CAMK1D: variants seen among roughly 807,000 people sequenced by gnomAD.
CAMK1D encodes the protein calcium/calmodulin dependent protein kinase ID.
CAMK1D carries 9 observed loss-of-function variants against 47.7 expected under a neutral mutation model. That is an observed-to-expected ratio of 0.19 (90% CI 0.11 to 0.33). The LOEUF is 0.33. CAMK1D is among the 10% of genes least tolerant of loss of function. The pLI, the probability that CAMK1D is intolerant of heterozygous loss-of-function variation, is 1.00. For missense variants in CAMK1D, 291 were observed against 488.7 expected (o/e 0.60, Z 3.81); for synonymous variants, 184 against 184.9 (o/e 0.99, Z 0.04).
At chr10:12,696,853 T>C (rs1399078139) in intron 3 of CAMK1D, among the ~76,000 whole-genome samples, 2 of 152,250 alleles carry the variant, frequency 1.3e-5, no homozygotes, top group Non-Finnish European at 2.9e-5. Context: ...GTCAGTTTTC[T>C]ATAAATACAC....
intron 2 of CAMK1D, among the ~76,000 whole-genome samples, chr10:12,558,554 C>CA (rs10574542): frequency 1.0e-3 from 150 of 150,458 alleles, no homozygotes; most frequent in African/African-American, 3.2e-3. Flanking sequence ...AACTCCATCT[C>CA]AAAAAAAAAA....
intron 1 of CAMK1D, among the ~76,000 whole-genome samples, chr10:12,483,736 G>T (rs11257818): frequency 0.24 from 36,313 of 151,900 alleles, 4,998 homozygotes; most frequent in Non-Finnish European, 0.31. Context: ...GCCCAGGCTG[G>T]AGTGCAGTGG....
chr10:12,382,438 G>T (rs1204239054), intron 1 of CAMK1D, among the ~76,000 whole-genome samples: 1 of 151,942 alleles, frequency 6.6e-6, no homozygotes, highest in Non-Finnish European at 1.5e-5. Flanking sequence ...TCTTTCATAT[G>T]AAATACTCAG....
intron 1 of CAMK1D, among the ~76,000 whole-genome samples, chr10:12,404,465 G>T (rs140067298): frequency 1.8e-4 from 28 of 152,284 alleles, no homozygotes; most frequent in African/African-American, 6.5e-4. Flanking sequence ...TGGAAATATG[G>T]TATGCCTTAT....
chr10:12,405,966 G>C (rs1026171797), intron 1 of CAMK1D, among the ~76,000 whole-genome samples: 2 of 152,200 alleles, frequency 1.3e-5, no homozygotes, highest in Non-Finnish European at 2.9e-5. Context: ...GGGCAAATGC[G>C]AGCATCTGAT....
At chr10:12,825,760 C>G (rs752231122) in intron 10 of CAMK1D, 70 bp downstream of exon 10, 1 of 1,608,158 alleles carries the variant, frequency 6.2e-7, no homozygotes, top group Non-Finnish European at 8.5e-7. Flanking sequence ...GAGGAGGGAG[C>G]CGGCATCTGC....
At chr10:12,492,076 T>A (rs1013509830) in intron 1 of CAMK1D, among the ~76,000 whole-genome samples, 9 of 152,300 alleles carry the variant, frequency 5.9e-5, no homozygotes, top group Non-Finnish European at 8.8e-5. Context: ...TGAGCCATCG[T>A]GCCTGGCCTG....
chr10:12,539,639 C>G (rs1209495253), intron 1 of CAMK1D, among the ~76,000 whole-genome samples: 3 of 152,198 alleles, frequency 2.0e-5, no homozygotes, highest in Non-Finnish European at 4.4e-5. Flanking sequence ...AGGGGAGTTC[C>G]CCTCTGAAGA....
intron 1 of CAMK1D, among the ~76,000 whole-genome samples, chr10:12,373,956 CAAAAAA>C (rs35008954): frequency 1.2e-5 from 1 of 86,118 alleles, no homozygotes. Context: ...CACTCTTTAT[CAAAAAA>C]AAAAAAAAAA....
At chr10:12,387,181 G>A (rs1217308655) in intron 1 of CAMK1D, among the ~76,000 whole-genome samples, 1 of 148,542 alleles carries the variant, frequency 6.7e-6, no homozygotes, top group African/African-American at 2.5e-5. Context: ...TCCAGCCTGG[G>A]CGTCCAAGAG....
intron 3 of CAMK1D, among the ~76,000 whole-genome samples, chr10:12,746,363 C>CAAAAAAAAAAAAAAA (rs542434085): frequency 0.11 from 9,049 of 82,446 alleles, 567 homozygotes; most frequent in Non-Finnish European, 0.12. Context: ...GACTCCGTCT[C>CAAAAAAAAAAAAAAA]AAAAAAAAAA....
At chr10:12,570,218 T>C (rs1052813274) in intron 2 of CAMK1D, among the ~76,000 whole-genome samples, 4 of 152,010 alleles carry the variant, frequency 2.6e-5, no homozygotes, top group African/African-American at 9.7e-5. Flanking sequence ...TATATATATA[T>C]ATTTTATAAC....
chr10:12,683,847 C>G (rs989229438), intron 3 of CAMK1D, among the ~76,000 whole-genome samples: 9 of 151,120 alleles, frequency 6.0e-5, no homozygotes, highest in African/African-American at 2.2e-4. Flanking sequence ...TTCATCAACC[C>G]CTCCAATAAC....
Position 12,553,340 on chromosome 10 carries a change from A to G in CAMK1D, c.208A>G (p.Ile70Val). 6.2e-7 allele frequency: 1 copy of G among 1,613,522 alleles called. No individual in the cohort carries two copies. Among genetic ancestry groups the G allele is most frequent in the Non-Finnish European group, 8.5e-7 (1 of 1,179,474 alleles). ...CAAGGAAAGCAGCATAGAGAATGAG[A>G]TAGCCGTCCTGAGAAAGTAAGTGCT... is the stretch of plus-strand genomic sequence containing the variant. ...KGKESSIENEIAVLRKIKHEN... is the reference protein window; with the variant it reads ...KGKESSIENEVAVLRKIKHEN... Residue 70 changes from isoleucine (I) to valine (V), a missense_variant, in exon 2 of 11, where the codon ATA becomes GTA. By Grantham distance (29) the Ile-to-Val change is conservative. Transcript: ENST00000619168.
intron 6 of CAMK1D, among the ~76,000 whole-genome samples, chr10:12,810,739 C>A (rs1290878135): frequency 6.6e-6 from 1 of 152,206 alleles, no homozygotes; most frequent in Non-Finnish European, 1.5e-5. Flanking sequence ...AAGTTCAATT[C>A]TTGAGTCCCC....
chr10:12,368,211 AAAAT>A (rs767043670), intron 1 of CAMK1D, among the ~76,000 whole-genome samples: 1 of 114,734 alleles, frequency 8.7e-6, no homozygotes. Flanking sequence ...AAAAAAAAAA[AAAAT>A]AAAATAAAAT....
intron 2 of CAMK1D, among the ~76,000 whole-genome samples, chr10:12,590,637 ATTTGT>A (rs1481470315): frequency 1.3e-5 from 2 of 152,096 alleles, no homozygotes; most frequent in African/African-American, 4.8e-5. Context: ...ACACAATGTG[ATTTGT>A]TTTGTTTTCC....
intron 1 of CAMK1D, among the ~76,000 whole-genome samples, chr10:12,409,323 G>C (rs971849654): frequency 6.6e-6 from 1 of 152,114 alleles, no homozygotes; most frequent in Admixed American, 6.5e-5. Context: ...TGGGCTCTGG[G>C]CTCTGAAAAT....
chr10:12,687,334 C>T (rs1322696477), intron 3 of CAMK1D, among the ~76,000 whole-genome samples: 1 of 151,654 alleles, frequency 6.6e-6, no homozygotes, highest in African/African-American at 2.4e-5. Context: ...ATGCCTCCTG[C>T]GTTGTGCCCC....
Sources: allele counts gnomAD v4.1 joint callset (sites outside exome capture counted in the v4.1 genomes callset), GRCh38; gene constraint gnomAD v4.1.1; transcripts MANE v1.5; gene names NCBI Gene and HGNC (gene_info 2026-07-23, HGNC 2026-07-21).